The following TYR variants were observed in gnomAD, a reference collection of about 807,000 sequenced individuals.
TYR encodes the protein LB24-AB.
Under a neutral mutation model 51.5 loss-of-function variants are expected in TYR, and 58 were observed. The ratio of observed to expected loss-of-function variants is 1.13; its 90% CI spans 0.91 to 1.40. The LOEUF is 1.40. TYR is among the 40% of genes most tolerant of loss of function. The probability of loss-of-function intolerance (pLI) is 0.00; values close to 1 mark genes in which losing one functional copy is unlikely to be tolerated. For synonymous variants in TYR, 263 were observed against 235.2 expected (o/e 1.12, Z -1.08); for missense variants, 732 against 647.4 (o/e 1.13, Z -1.42).
At chr11:89,227,053 G>A (rs1943986320) in intron 2 of TYR, among the ~76,000 whole-genome samples, 1 of 151,834 alleles carries the variant, frequency 6.6e-6, no homozygotes, top group African/African-American at 2.4e-5. Context: ...ACTCTACCTG[G>A]GTAGCTTGGT....
At position 89,178,706 on chromosome 11, in the gene TYR, C is replaced by A. The variant is rs765329261; in HGVS notation, c.753C>A (p.Tyr251Ter). 1.2e-6 allele frequency: 2 copies of A among 1,613,958 alleles called. No individual in the cohort carries two copies. The highest frequency in any genetic ancestry group is 2.7e-5 in the African/African-American group (2 of 74,908). The change falls in exon 1 of 5, where the codon TAC (tyrosine) becomes TAA (stop). Residue 251 changes from tyrosine to a stop codon, truncating the protein, a stop_gained. Transcript: ENST00000263321. LOFTEE classifies it high-confidence loss of function. ...AGTGTGACATTTGCACAGATGAGTA[C>A]ATGGGAGGTCAGCACCCCACAAATC... ...AEKCDICTDE[Y>*]MGGQHPTNPN...
At chr11:89,280,837 T>G (rs1944713001) in intron 3 of TYR, among the ~76,000 whole-genome samples, 1 of 151,680 alleles carries the variant, frequency 6.6e-6, no homozygotes, top group Non-Finnish European at 1.5e-5. Flanking sequence ...AGTTGCACAA[T>G]GTTTAAATGT....
chr11:89,240,912 G>T (rs957729780), intron 3 of TYR, among the ~76,000 whole-genome samples: 3 of 152,122 alleles, frequency 2.0e-5, no homozygotes, highest in African/African-American at 7.2e-5. Context: ...GGGACTCTAA[G>T]CTGTTCTCAG....
chr11:89,229,687 T>C (rs1012599065), intron 3 of TYR, among the ~76,000 whole-genome samples: 1 of 152,018 alleles, frequency 6.6e-6, no homozygotes, highest in African/African-American at 2.4e-5. Context: ...AACTGATAAA[T>C]TAAGTAAACT....
intron 2 of TYR, among the ~76,000 whole-genome samples, chr11:89,221,569 C>G (rs1943912382): frequency 1.3e-5 from 2 of 152,268 alleles, no homozygotes; most frequent in East Asian, 3.9e-4. Context: ...AAATTACAAG[C>G]CTTTTCAAAG....
chr11:89,284,793 G>A lies in TYR; in HGVS notation c.1205G>A (p.Arg402Gln), dbSNP rs1126809. The change falls in exon 4 of 5, where the codon CGA (arginine) becomes CAA (glutamine). Residue 402 changes from arginine (R) to glutamine (Q), a missense_variant. Physicochemically the swap from Arg to Gln is conservative, Grantham distance 43. Transcript: ENST00000263321. Reference protein sequence around the residue: ...FVDSIFEQWLRRHRPLQEVYP... With the variant: ...FVDSIFEQWLQRHRPLQEVYP... Reference sequence around the variant, plus strand: ...TGCAGTATTTTTGAGCAGTGGCTCCGAAGGCACCGTCCTCTTCAAGAAGTT... The same window carrying A: ...TGCAGTATTTTTGAGCAGTGGCTCCAAAGGCACCGTCCTCTTCAAGAAGTT... 397,086 of 1,610,930 alleles carry A rather than the reference G, an allele frequency of 0.25. 56,368 individuals are homozygous for A. The highest frequency in any genetic ancestry group is 0.29 in the Non-Finnish European group (346,238 of 1,177,910).
rs1944065305 is a variant in TYR at position 89,232,623 on chromosome 11, G to A, written c.1184+4653G>A. Among the ~76,000 whole-genome samples, 2 of 141,410 alleles carry A rather than the reference G, an allele frequency of 1.4e-5. 1 individual carries two copies. The highest frequency in any genetic ancestry group is 5.7e-5 in the African/African-American group (2 of 35,346). The allele number at this position is 141,410 out of a possible 152,430, so 92.8% of individuals were successfully genotyped here. The stretch of plus-strand genomic sequence containing the variant: ...GGTATACTATGTTCATAACCTCGAT[G>A]ATGGGTTCAATCATACCCAAACTTC... On this transcript the variant is annotated intron_variant, in intron 3 of 4. Coordinates refer to ENST00000263321, the MANE Select transcript of TYR (RefSeq NM_000372.5).
chr11:89,226,417 T>A (rs1413337972), intron 2 of TYR, among the ~76,000 whole-genome samples: 1 of 152,144 alleles, frequency 6.6e-6, no homozygotes, highest in Non-Finnish European at 1.5e-5. Context: ...AGATTAAGTG[T>A]CATGTATGTA....
chr11:89,197,017 T>C (rs1446222163), intron 2 of TYR, among the ~76,000 whole-genome samples: 1 of 152,048 alleles, frequency 6.6e-6, no homozygotes, highest in Non-Finnish European at 1.5e-5. Context: ...TAAAATGAGG[T>C]AGGAACCCAG....
intron 3 of TYR, among the ~76,000 whole-genome samples, chr11:89,266,600 T>C (rs980816790): frequency 6.6e-6 from 1 of 151,954 alleles, no homozygotes; most frequent in African/African-American, 2.4e-5. Flanking sequence ...TTTCACACAA[T>C]TCCACTCTTC....
In TYR at chr11:89,178,022, C is replaced by G; in HGVS notation, c.69C>G (p.Ala23=). 1 of 1,614,186 alleles carries G rather than the reference C, an allele frequency of 6.2e-7. No individual in the cohort carries two copies. Among genetic ancestry groups the G allele is most frequent in the Non-Finnish European group, 8.5e-7 (1 of 1,180,028 alleles). The change falls in exon 1 of 5, where the codon GCC becomes GCG. Residue 23 remains alanine (A), a synonymous_variant. Transcript: ENST00000263321. The part of the protein sequence containing the change: ...FQTSAGHFPR[A]CVSSKNLMEK... ...CCTCCGCTGGCCATTTCCCTAGAGC[C>G]TGTGTCTCCTCTAAGAACCTGATGG...
intron 3 of TYR, among the ~76,000 whole-genome samples, chr11:89,282,977 A>G (rs1944736957): frequency 6.6e-6 from 1 of 151,764 alleles, no homozygotes; most frequent in Non-Finnish European, 1.5e-5. Flanking sequence ...TAATCCTTAC[A>G]TTACCTTCAT....
intron 2 of TYR, among the ~76,000 whole-genome samples, chr11:89,198,136 T>G (rs751102689): frequency 2.5e-4 from 38 of 151,976 alleles, no homozygotes; most frequent in Non-Finnish European, 2.1e-4. Context: ...AAAAGCCAGC[T>G]GGAAAACTAC....
chr11:89,197,175 T>C (rs530989238), intron 2 of TYR, among the ~76,000 whole-genome samples: 83 of 152,194 alleles, frequency 5.5e-4, no homozygotes, highest in Non-Finnish European at 9.4e-4. Context: ...AAGTGTGAGA[T>C]GAGTTACCAA....
chr11:89,230,591 A>G (rs1169887104), intron 3 of TYR, among the ~76,000 whole-genome samples: 1 of 152,116 alleles, frequency 6.6e-6, no homozygotes, highest in Non-Finnish European at 1.5e-5. Flanking sequence ...TGATAGACAG[A>G]CAACTTACAC....
In TYR at chr11:89,185,589, C is replaced by T. The variant is rs1049191755; in HGVS notation, c.820-5613C>T. Among the ~76,000 whole-genome samples, 9 of 152,028 alleles carry T rather than the reference C, an allele frequency of 5.9e-5. No individual in the cohort carries two copies. In the South Asian group the frequency reaches 8.3e-4, roughly 14 times the overall value. ...CGTAACAATCATTGTTTATTAGAGA[C>T]GAAAATGAGTAAGTGTAAGTTGGGT... On this transcript the variant is annotated intron_variant, in intron 1 of 4. Transcript: ENST00000263321.
At chr11:89,234,721 T>C (rs1179426122) in intron 3 of TYR, among the ~76,000 whole-genome samples, 1 of 106,074 alleles carries the variant, frequency 9.4e-6, no homozygotes, top group Non-Finnish European at 1.9e-5. Flanking sequence ...CACATGCATT[T>C]ATTAATTAAA....
chr11:89,265,913 A>T (rs1239558979), intron 3 of TYR, among the ~76,000 whole-genome samples: 1 of 152,034 alleles, frequency 6.6e-6, no homozygotes, highest in African/African-American at 2.4e-5. Context: ...AAGGAAAAAA[A>T]CTAAGAAATA....
chr11:89,191,465 T>C (rs752976589), intron 2 of TYR, 47 bp downstream of exon 2: 1 of 1,556,754 alleles, frequency 6.4e-7, no homozygotes, highest in Non-Finnish European at 8.9e-7. Context: ...AATTCATATT[T>C]ACAGTCTCTT....
Sources: gnomAD v4.1 joint callset for allele counts (sites outside exome capture counted in the v4.1 genomes callset) on GRCh38, gnomAD v4.1.1 for gene constraint, MANE v1.5 for transcripts, NCBI Gene and HGNC (gene_info 2026-07-23, HGNC 2026-07-21) for gene names.